The following APLF variants were observed in gnomAD, a reference collection of about 807,000 sequenced individuals.
The protein encoded by APLF is aprataxin and PNK-like factor.
In APLF, 61 loss-of-function variants were observed where a neutral mutation model predicts 55.6. The ratio of observed to expected loss-of-function variants is 1.10; its 90% CI spans 0.89 to 1.36. The LOEUF is 1.36. APLF is among the 40% of genes most tolerant of loss of function. APLF has a pLI of 0.00. For synonymous variants in APLF, 207 were observed against 214.8 expected, an observed-to-expected ratio of 0.96 and a Z score of 0.32; for missense variants, 611 against 602.5, an observed-to-expected ratio of 1.01 and a Z score of -0.15.
chr2:68,545,697 T>C (rs1670685487), intron 8 of APLF, among the ~76,000 whole-genome samples: 1 of 152,178 alleles, frequency 6.6e-6, no homozygotes, highest in Admixed American at 6.5e-5. Flanking sequence ...TCCACTATTC[T>C]TGCCAACACA....
rs1670200276 is a variant in APLF, at chr2:68,529,927, G to A, written c.804+3685G>A. ...AGCCAGATCCCGCCAGGCTCCCCCG[G>A]GGCCTCTCCAGTGCCTCTGTGCCGC... On this transcript the variant is annotated intron_variant, in intron 6 of 9. Coordinates refer to ENST00000303795, the MANE Select transcript of APLF (RefSeq NM_173545.3). This position sits in a 1 kb window ranked among gnomAD's most constrained non-coding sequence, Gnocchi z 4.4. 6.6e-6 allele frequency among the ~76,000 whole-genome samples: 1 copy of A among 152,228 alleles called. No homozygotes were observed. The highest frequency in any genetic ancestry group is 2.1e-4 in the South Asian group (1 of 4,836).
chr2:68,561,112 C>G (rs1307442437), intron 8 of APLF, among the ~76,000 whole-genome samples: 2 of 152,070 alleles, frequency 1.3e-5, no homozygotes, highest in Non-Finnish European at 2.9e-5. Flanking sequence ...CATAGGATTT[C>G]TAGCCATTGT....
intron 8 of APLF, among the ~76,000 whole-genome samples, chr2:68,563,934 A>T (rs538171089): frequency 6.6e-6 from 1 of 152,186 alleles, no homozygotes; most frequent in South Asian, 2.1e-4. Flanking sequence ...CTTGATGAAG[A>T]TATATGGAAT....
In APLF at chr2:68,577,887, C is replaced by G; in HGVS notation, c.1401C>G (p.Ser467Arg). 2 of 1,613,400 alleles carry G rather than the reference C, an allele frequency of 1.2e-6. No individual in the cohort carries two copies. Among genetic ancestry groups the G allele is most frequent in the Non-Finnish European group, 1.7e-6 (2 of 1,179,662 alleles). The change falls in exon 10 of 10, where the codon AGC (serine) becomes AGG (arginine). Residue 467 changes from serine (S) to arginine (R), a missense_variant. By Grantham distance (110) the Ser-to-Arg change is moderately radical. Transcript: ENST00000303795. Reference protein sequence around the residue: ...GQPNEYDLNDSFLDDEEEDYE... With the variant: ...GQPNEYDLNDRFLDDEEEDYE... ...CCAATGAGTATGACCTGAACGACAGCTTTCTAGATGATGAGGAAGAAGACT... is the reference window on the plus strand; with the variant it reads ...CCAATGAGTATGACCTGAACGACAGGTTTCTAGATGATGAGGAAGAAGACT...
At chr2:68,562,239 T>G (rs991928285) in intron 8 of APLF, among the ~76,000 whole-genome samples, 2 of 151,212 alleles carry the variant, frequency 1.3e-5, no homozygotes, top group Non-Finnish European at 3.0e-5. Flanking sequence ...GAAGGAGGGG[T>G]GGGTTGGAGA....
In APLF at chr2:68,569,206, G is replaced by T. The variant is rs566470236; in HGVS notation, c.1333+1819G>T. Among the ~76,000 whole-genome samples, 3 of 152,178 alleles carry T rather than the reference G, an allele frequency of 2.0e-5. No individual in the cohort carries two copies. The East Asian group carries it at 5.8e-4, about 29-fold the overall frequency. On this transcript the variant is annotated intron_variant, in intron 9 of 9. Transcript: ENST00000303795. ...GCTACAGAGAGATGAGAGCCGGCTC[G>T]TAATTGTGGTTATGGGAACCAGCTC...
At position 68,515,532 on chromosome 2, in the gene APLF, A is replaced by G. The variant is rs72901920; in HGVS notation, c.622+1852A>G. Reference sequence around the variant, plus strand: ...CAACTGCTTCTGTGCTACTGCTTATAATAATAGTTCAACATGTATTTCATT... The same window carrying G: ...CAACTGCTTCTGTGCTACTGCTTATGATAATAGTTCAACATGTATTTCATT... On this transcript the variant is annotated intron_variant, in intron 5 of 9. Transcript: ENST00000303795. 2,350 of 942,084 alleles carry G rather than the reference A, an allele frequency of 2.5e-3. 37 individuals carry two copies. In the African/African-American group the frequency reaches 0.039, roughly 15 times the overall value. 58.4% of individuals were successfully genotyped at this position (942,084 alleles called of 1,614,324 possible).
rs1342304506 is a variant in APLF at position 68,578,123 on chromosome 2, T to C, written c.*101T>C. The C allele has an allele frequency of 1.4e-6, 2 of 1,461,506 alleles. No individual in the cohort carries two copies. Among genetic ancestry groups the C allele is most frequent in the Admixed American group, 5.1e-5 (2 of 38,926 alleles). 90.5% of individuals were successfully genotyped at this position (1,461,506 alleles called of 1,614,324 possible). ...ACTTAAGTGACAGTTATTTTCCTTC[T>C]TTTGATAGTTAATGACTTTTACTAC... On this transcript the variant is annotated 3_prime_UTR_variant, in exon 10 of 10. Transcript: ENST00000303795.
intron 1 of APLF, among the ~76,000 whole-genome samples, chr2:68,468,090 C>T (rs1675489737): frequency 1.3e-5 from 2 of 152,226 alleles, no homozygotes; most frequent in Admixed American, 1.3e-4. Flanking sequence ...CAAATCCAGC[C>T]TATGTTTGTA....
intron 1 of APLF, among the ~76,000 whole-genome samples, chr2:68,468,253 C>T (rs1054306942): frequency 6.6e-6 from 1 of 152,204 alleles, no homozygotes; most frequent in African/African-American, 2.4e-5. Flanking sequence ...GTGTCTGGTC[C>T]TTTACAGAAA....
At chr2:68,482,952 C>T (rs1438624973) in intron 1 of APLF, among the ~76,000 whole-genome samples, 2 of 151,968 alleles carry the variant, frequency 1.3e-5, no homozygotes, top group African/African-American at 4.8e-5. Flanking sequence ...TTTTGGCCAG[C>T]CTGGGGTTGA....
At chr2:68,470,541 A>G (rs1450119224) in intron 1 of APLF, among the ~76,000 whole-genome samples, 1 of 152,256 alleles carries the variant, frequency 6.6e-6, no homozygotes, top group African/African-American at 2.4e-5. Context: ...CATTATCTTA[A>G]GAAATTTAAT....
intron 1 of APLF, among the ~76,000 whole-genome samples, chr2:68,488,845 A>G (rs1337475950): frequency 6.6e-6 from 1 of 152,128 alleles, no homozygotes; most frequent in Non-Finnish European, 1.5e-5. Flanking sequence ...TTAGCCTACT[A>G]AGGTACAATC....
intron 8 of APLF, among the ~76,000 whole-genome samples, chr2:68,554,686 T>C (rs1180631888): frequency 6.6e-6 from 1 of 152,006 alleles, no homozygotes; most frequent in Non-Finnish European, 1.5e-5. Context: ...GTTCTTGATT[T>C]GATTCTCAGC....
chr2:68,473,573 T>A (rs1272762389), intron 1 of APLF, among the ~76,000 whole-genome samples: 1 of 152,202 alleles, frequency 6.6e-6, no homozygotes, highest in African/African-American at 2.4e-5. Context: ...GTATGTTTAG[T>A]GTTGTAAGAA....
At chr2:68,535,966 T>A (rs1670373757) in intron 6 of APLF, among the ~76,000 whole-genome samples, 1 of 152,146 alleles carries the variant, frequency 6.6e-6, no homozygotes, top group African/African-American at 2.4e-5. Context: ...AGAGATACAT[T>A]TTATTGAACA....
At chr2:68,534,970 C>A (rs765927120) in intron 6 of APLF, among the ~76,000 whole-genome samples, 3 of 152,154 alleles carry the variant, frequency 2.0e-5, no homozygotes, top group African/African-American at 7.2e-5. Flanking sequence ...ATGTTAAATT[C>A]TTGAATGCCA....
At chr2:68,500,724 C>T (rs956376677) in intron 2 of APLF, among the ~76,000 whole-genome samples, 4 of 152,166 alleles carry the variant, frequency 2.6e-5, no homozygotes, top group African/African-American at 9.7e-5. Flanking sequence ...CTTGCTTCTC[C>T]TGTTAGTTCA....
intron 5 of APLF, among the ~76,000 whole-genome samples, chr2:68,516,083 A>G (rs1403104884): frequency 6.6e-6 from 1 of 151,676 alleles, no homozygotes; most frequent in Admixed American, 6.6e-5. Flanking sequence ...AGATTATCTG[A>G]AACTAACTTG....
Sources: gnomAD v4.1 joint callset for allele counts (sites outside exome capture counted in the v4.1 genomes callset) on GRCh38, gnomAD v4.1.1 for gene constraint, Gnocchi (gnomAD v3.1) non-coding constraint, MANE v1.5 for transcripts, NCBI Gene and HGNC (gene_info 2026-07-23, HGNC 2026-07-21) for gene names.